DACH1: variants seen among roughly 807,000 people sequenced by gnomAD.
DACH1 encodes dachshund family transcription factor 1, also known as dachshund homolog 1.
Under a neutral mutation model 54.2 loss-of-function variants are expected in DACH1, and 12 were observed. That is an observed-to-expected ratio of 0.22 (90% confidence interval 0.14 to 0.36). The LOEUF (loss-of-function observed/expected upper bound fraction) is 0.36, where lower values mean the gene tolerates loss of function less well. DACH1 is among the 10% of genes least tolerant of loss of function. The pLI is 1.00. For synonymous variants in DACH1, 386 were observed against 366.2 expected, an observed-to-expected ratio of 1.05 and a Z score of -0.62; for missense variants, 805 against 929.8, an observed-to-expected ratio of 0.87 and a Z score of 1.75.
intron 2 of DACH1, among the ~76,000 whole-genome samples, chr13:71,648,006 A>G (rs1878412038): frequency 6.6e-6 from 1 of 152,218 alleles, no homozygotes; most frequent in East Asian, 1.9e-4. Flanking sequence ...ATAAAATTAC[A>G]CAGTGAATTT....
chr13:71,504,467 G>A (rs1423081401), intron 6 of DACH1, among the ~76,000 whole-genome samples: 3 of 152,118 alleles, frequency 2.0e-5, no homozygotes, highest in Non-Finnish European at 2.9e-5. Context: ...CAAGGTAAAA[G>A]ACATAGCTCA....
At chr13:71,616,824 G>C (rs969211864) in intron 3 of DACH1, among the ~76,000 whole-genome samples, 1 of 151,766 alleles carries the variant, frequency 6.6e-6, no homozygotes, top group South Asian at 2.1e-4. Flanking sequence ...GAAAGAGAGA[G>C]AGAGAGAGAA....
intron 6 of DACH1, among the ~76,000 whole-genome samples, chr13:71,498,016 A>C (rs1879591598): frequency 6.6e-6 from 1 of 152,000 alleles, no homozygotes; most frequent in African/African-American, 2.4e-5. Context: ...CAGCATTAGA[A>C]CTCTGAATTT....
At chr13:71,809,109 TC>T (rs1887615523) in intron 1 of DACH1, among the ~76,000 whole-genome samples, 1 of 152,192 alleles carries the variant, frequency 6.6e-6, no homozygotes. Context: ...TCATTTTGGT[TC>T]TTAGTAATAA....
chr13:71,726,382 C>G (rs959978707), intron 1 of DACH1, among the ~76,000 whole-genome samples: 2 of 151,980 alleles, frequency 1.3e-5, no homozygotes, highest in African/African-American at 4.8e-5. Context: ...GTAAACTCAG[C>G]GTGACTTAAC....
chr13:71,616,865 AG>A (rs909033860), intron 3 of DACH1, among the ~76,000 whole-genome samples: 3 of 151,164 alleles, frequency 2.0e-5, no homozygotes, highest in African/African-American at 7.3e-5. Flanking sequence ...TTTCTAATGC[AG>A]TTTCGGGGTT....
At chr13:71,731,799 A>G (rs1196733059) in intron 1 of DACH1, among the ~76,000 whole-genome samples, 1 of 152,226 alleles carries the variant, frequency 6.6e-6, no homozygotes, top group African/African-American at 2.4e-5. Flanking sequence ...GTCTCTATAG[A>G]GAAAAGTTCA....
chr13:71,732,351 G>A (rs187749806), intron 1 of DACH1, among the ~76,000 whole-genome samples: 14 of 151,968 alleles, frequency 9.2e-5, no homozygotes, highest in African/African-American at 2.7e-4. Flanking sequence ...TTGGGAGGCC[G>A]AGGCGGATGA....
At chr13:71,765,401 AG>A (rs1885577064) in intron 1 of DACH1, among the ~76,000 whole-genome samples, 1 of 152,162 alleles carries the variant, frequency 6.6e-6, no homozygotes, top group Admixed American at 6.5e-5. Context: ...TATTTTCCAC[AG>A]GGACTGTTAT....
At chr13:71,522,985 A>G (rs1456160880) in intron 6 of DACH1, among the ~76,000 whole-genome samples, 1 of 152,108 alleles carries the variant, frequency 6.6e-6, no homozygotes, top group Non-Finnish European at 1.5e-5. Context: ...AAGAATGCAT[A>G]TGTTTATTTC....
At chr13:71,776,380 T>A (rs1213616685) in intron 1 of DACH1, among the ~76,000 whole-genome samples, 1 of 152,100 alleles carries the variant, frequency 6.6e-6, no homozygotes. Flanking sequence ...TTTTGACATG[T>A]AACACCTATG....
chr13:71,477,791 G>T (rs938070077), intron 8 of DACH1, among the ~76,000 whole-genome samples: 1 of 152,114 alleles, frequency 6.6e-6, no homozygotes, highest in African/African-American at 2.4e-5. Flanking sequence ...AACCAAATGG[G>T]ATCGTCATGT....
At chr13:71,568,544 A>G (rs550441982) in intron 4 of DACH1, among the ~76,000 whole-genome samples, 2 of 152,210 alleles carry the variant, frequency 1.3e-5, no homozygotes, top group East Asian at 1.9e-4. Flanking sequence ...GCTAGAACCT[A>G]GAAGAATTAG....
chr13:71,631,758 T>C (rs1222557965), intron 2 of DACH1, among the ~76,000 whole-genome samples: 1 of 152,142 alleles, frequency 6.6e-6, no homozygotes, highest in Non-Finnish European at 1.5e-5. Flanking sequence ...GAATAGTTCA[T>C]CTTCATCCAT....
intron 1 of DACH1, among the ~76,000 whole-genome samples, chr13:71,707,750 C>T (rs544652324): frequency 7.9e-5 from 12 of 151,874 alleles, no homozygotes; most frequent in African/African-American, 2.7e-4. Flanking sequence ...TTGGTGTAAA[C>T]GTAAAGTTGG....
intron 3 of DACH1, among the ~76,000 whole-genome samples, chr13:71,583,635 G>C (rs1873006538): frequency 6.6e-6 from 1 of 152,098 alleles, no homozygotes; most frequent in African/African-American, 2.4e-5. Flanking sequence ...CTGAACTCAG[G>C]AGTTCAAGCC....
chr13:71,680,078 G>A (rs1880808170), intron 2 of DACH1, among the ~76,000 whole-genome samples: 1 of 152,004 alleles, frequency 6.6e-6, no homozygotes, highest in Admixed American at 6.6e-5. Context: ...AATGAGCAAG[G>A]ATTAACAACG....
intron 1 of DACH1, among the ~76,000 whole-genome samples, chr13:71,739,605 G>A (rs1030966070): frequency 6.6e-6 from 1 of 151,986 alleles, no homozygotes; most frequent in Non-Finnish European, 1.5e-5. Flanking sequence ...CTACCTTTCA[G>A]GTGCTCAAGA....
chr13:71,696,326 C>G (rs576488915), intron 1 of DACH1, among the ~76,000 whole-genome samples: 1 of 152,280 alleles, frequency 6.6e-6, no homozygotes, highest in Admixed American at 6.5e-5. Context: ...CACAATAACT[C>G]TATGATATAA....
Sources: allele counts gnomAD v4.1 joint callset (sites outside exome capture counted in the v4.1 genomes callset), GRCh38; gene constraint gnomAD v4.1.1; transcripts MANE v1.5; gene names NCBI Gene and HGNC (gene_info 2026-07-23, HGNC 2026-07-21).